PPP2R5C: variants seen among roughly 807,000 people sequenced by gnomAD.
PPP2R5C encodes serine/threonine-protein phosphatase 2A 56 kDa regulatory subunit gamma isoform.
Under a neutral mutation model 68.9 loss-of-function variants are expected in PPP2R5C, and 7 were observed. The observed-to-expected ratio is 0.10, with a 90% CI of 0.06 to 0.19. The LOEUF (loss-of-function observed/expected upper bound fraction) is 0.19, where lower values mean the gene tolerates loss of function less well. Ranked by LOEUF, PPP2R5C falls within the 10% of genes least tolerant of loss-of-function variation. The pLI is 1.00. For synonymous variants in PPP2R5C, 210 were observed against 222.2 expected, an observed-to-expected ratio of 0.95 and a Z score of 0.49; for missense variants, 348 against 641.3, an observed-to-expected ratio of 0.54 and a Z score of 4.94.
chr14:101,826,965 T>G (rs1329702118), intron 1 of PPP2R5C, among the ~76,000 whole-genome samples: 1 of 151,208 alleles, frequency 6.6e-6, no homozygotes, highest in Non-Finnish European at 1.5e-5. Flanking sequence ...GTAAAAATGT[T>G]TAACTTTTTT....
At chr14:101,866,602 G>A (rs776585413) in intron 2 of PPP2R5C, among the ~76,000 whole-genome samples, 31 of 151,706 alleles carry the variant, frequency 2.0e-4, no homozygotes, top group Non-Finnish European at 3.5e-4. Context: ...CCCTGGAGGC[G>A]GAGGTTGCAG....
chr14:101,912,124 C>A (rs1286817525), intron 11 of PPP2R5C, among the ~76,000 whole-genome samples: 1 of 152,096 alleles, frequency 6.6e-6, no homozygotes, highest in Non-Finnish European at 1.5e-5. Context: ...AAACATCTAA[C>A]CAGGGGAAGG....
intron 7 of PPP2R5C, among the ~76,000 whole-genome samples, chr14:101,893,672 C>T (rs1464168345): frequency 6.6e-6 from 1 of 152,190 alleles, no homozygotes; most frequent in Non-Finnish European, 1.5e-5. Context: ...ATCGCTTGAA[C>T]CCGGGAGGCG....
chr14:101,761,301 C>G (rs1304266624), upstream of PPP2R5C, among the ~76,000 whole-genome samples: 1 of 152,150 alleles, frequency 6.6e-6, no homozygotes, highest in Non-Finnish European at 1.5e-5. Flanking sequence ...GCATTTCCTA[C>G]GTCTCACGCT....
intron 1 of PPP2R5C, chr14:101,820,120 C>T (rs991298480): frequency 6.6e-6 from 1 of 152,092 alleles, no homozygotes; most frequent in Admixed American, 6.6e-5. Flanking sequence ...AAAAAGCAGA[C>T]AAACTGTGGA....
chr14:101,851,933 A>T (rs1439352134), intron 1 of PPP2R5C, among the ~76,000 whole-genome samples: 2 of 152,138 alleles, frequency 1.3e-5, no homozygotes, highest in African/African-American at 2.4e-5. Context: ...CATGTATGTC[A>T]CAGCTCTCAC....
intron 8 of PPP2R5C, among the ~76,000 whole-genome samples, chr14:101,896,500 G>T (rs1427751660): frequency 2.6e-5 from 4 of 151,788 alleles, no homozygotes; most frequent in Admixed American, 2.6e-4. Flanking sequence ...TTGGGAGGCT[G>T]AGGCGGGTGA....
At chr14:101,816,208 C>T (rs1462674872) in intron 1 of PPP2R5C, among the ~76,000 whole-genome samples, 4 of 152,192 alleles carry the variant, frequency 2.6e-5, no homozygotes, top group Non-Finnish European at 5.9e-5. Context: ...GTTGAAAGAG[C>T]GACACAGGTG....
chr14:101,771,409 C>T (rs2037146394), intron 2 of PPP2R5C, among the ~76,000 whole-genome samples: 1 of 151,938 alleles, frequency 6.6e-6, no homozygotes, highest in African/African-American at 2.4e-5. Context: ...TGTGTGCCAC[C>T]ACACTATCTT....
At chr14:101,841,786 A>G (rs2041489890) in intron 1 of PPP2R5C, among the ~76,000 whole-genome samples, 1 of 152,200 alleles carries the variant, frequency 6.6e-6, no homozygotes, top group Non-Finnish European at 1.5e-5. Context: ...CAGTGGGGCC[A>G]GGTCAGGGAG....
chr14:101,839,155 A>G (rs1400160767), intron 1 of PPP2R5C: 2 of 151,804 alleles, frequency 1.3e-5, no homozygotes, highest in Non-Finnish European at 2.9e-5. Flanking sequence ...GTTCGAGACC[A>G]GCCTAGCCAA....
At chr14:101,876,142 A>AAT (rs71464698) in intron 2 of PPP2R5C, among the ~76,000 whole-genome samples, 1 of 151,904 alleles carries the variant, frequency 6.6e-6, no homozygotes, top group East Asian at 1.9e-4. Flanking sequence ...TTTGTACTTA[A>AAT]ATATATATAT....
rs929669627 is a variant in PPP2R5C, at chr14:101,823,947, G to A, written c.94+13911G>A. 8.5e-6 allele frequency: 11 copies of A among 1,287,098 alleles called. No individual in the cohort carries two copies. The African/African-American group carries it at 1.1e-4, about 12-fold the overall frequency. The allele number at this position is 1,287,098 out of a possible 1,614,324, so 79.7% of individuals were successfully genotyped here. ...GCAGATTCTGGGTCACGAAGGTAAG[G>A]TTGTACTTTTAGGGTTTGTGGTTAT... On this transcript the variant is annotated intron_variant, in intron 1 of 13. Transcript: ENST00000334743.
At chr14:101,909,528 G>A in intron 10 of PPP2R5C, 61 bp from the exon 13 acceptor site, 1 of 1,160,786 alleles carries the variant, frequency 8.6e-7, no homozygotes, top group Non-Finnish European at 1.3e-6. Context: ...CCTGAGAGTG[G>A]AGAGGCGAGG....
chr14:101,767,903 C>T lies in PPP2R5C; in HGVS notation c.93+4933C>T, dbSNP rs2036941345. The stretch of plus-strand genomic sequence containing the variant: ...GTGGTGGGTTCTTCCTTAGGCAGCT[C>T]CCTTCTCTAGCCCCCATTCCTGTCC... On this transcript the variant is annotated intron_variant, in intron 2 of 14. Transcript: ENST00000328724. 3.3e-5 allele frequency among the ~76,000 whole-genome samples: 5 copies of T among 152,292 alleles called. No homozygotes were observed. The South Asian group carries it at 1.0e-3, about 32-fold the overall frequency.
intron 3 of PPP2R5C, among the ~76,000 whole-genome samples, chr14:101,793,427 G>A (rs560038694): frequency 1.6e-4 from 24 of 152,314 alleles, no homozygotes; most frequent in African/African-American, 5.3e-4. Context: ...ACTGGACTGC[G>A]TGGGTGTGGG....
intron 2 of PPP2R5C, among the ~76,000 whole-genome samples, chr14:101,871,095 G>A (rs762330608): frequency 3.9e-5 from 6 of 151,952 alleles, no homozygotes; most frequent in African/African-American, 1.2e-4. Flanking sequence ...CCATTCCAGC[G>A]CTCTTCTGAC....
At chr14:101,765,478 C>T in intron 2 of PPP2R5C, 2 of 548,160 alleles carry the variant, frequency 3.6e-6, no homozygotes, top group Non-Finnish European at 6.5e-6. Context: ...CACACTTTTT[C>T]CCTCTCCTCT....
intron 3 of PPP2R5C, among the ~76,000 whole-genome samples, chr14:101,798,992 GGT>G (rs2038741778): frequency 6.6e-6 from 1 of 152,202 alleles, no homozygotes; most frequent in South Asian, 2.1e-4. Flanking sequence ...ACCTGGAAGA[GGT>G]GTAAAGGGTA....
Sources: allele counts gnomAD v4.1 joint callset (sites outside exome capture counted in the v4.1 genomes callset), GRCh38; gene constraint gnomAD v4.1.1; transcripts MANE v1.5; gene names NCBI Gene and HGNC (gene_info 2026-07-23, HGNC 2026-07-21).